ELMOD3: variants seen among roughly 807,000 people sequenced by gnomAD.
The protein encoded by ELMOD3 is ELMO domain containing 3.
ELMOD3 carries 36 observed loss-of-function variants against 47.4 expected under a neutral mutation model. The ratio of observed to expected loss-of-function variants is 0.76; its 90% confidence interval spans 0.58 to 1.00. The LOEUF is 1.00. Among genes scored for constraint, ELMOD3 ranks in the 50% least tolerant of loss-of-function variants. The pLI, the probability that ELMOD3 is intolerant of heterozygous loss-of-function variation, is 0.00. For missense variants in ELMOD3, 404 were observed against 463.8 expected (o/e 0.87, Z 1.18); for synonymous variants, 149 against 183.5 (o/e 0.81, Z 1.52).
intron 6 of ELMOD3, chr2:85,368,374 G>A (rs755007387): frequency 2.8e-6 from 1 of 352,142 alleles, no homozygotes; most frequent in Non-Finnish European, 5.4e-6. Context: ...GCTGTAGTGT[G>A]CCATGCTGAT....
At chr2:85,373,466 G>T (rs150546158) in intron 10 of ELMOD3, among the ~76,000 whole-genome samples, 1 of 151,960 alleles carries the variant, frequency 6.6e-6, no homozygotes, top group African/African-American at 2.4e-5. Flanking sequence ...GGGTTCTCAC[G>T]AAGAACCAGA....
At chr2:85,359,447 G>A (rs1193495916) in intron 4 of ELMOD3, among the ~76,000 whole-genome samples, 1 of 115,150 alleles carries the variant, frequency 8.7e-6, no homozygotes, top group Non-Finnish European at 1.7e-5. Flanking sequence ...TTGCTCTGTT[G>A]CCCAGGCTGG....
At chr2:85,362,429 C>T (rs1019917698) in intron 5 of ELMOD3, among the ~76,000 whole-genome samples, 169 bp downstream of exon 5, 2 of 148,770 alleles carry the variant, frequency 1.3e-5, no homozygotes, top group South Asian at 4.3e-4. Context: ...CACAAACATA[C>T]AAAACAACTT....
chr2:85,382,956 A>AAAAAAAAAC (rs1558715873), intron 11 of ELMOD3, among the ~76,000 whole-genome samples: 1 of 71,576 alleles, frequency 1.4e-5, no homozygotes. Flanking sequence ...AAAAAAAAAC[A>AAAAAAAAAC]AAAAAAACTC....
Position 85,356,974 on chromosome 2 carries a change from G to C in ELMOD3, c.-225G>C. ...TTTTTTTCTTTTGTGCAGAGCTGAGGCTTCGAAGACCTCAGAGGACTTCTC... is the reference window on the plus strand; with the variant it reads ...TTTTTTTCTTTTGTGCAGAGCTGAGCCTTCGAAGACCTCAGAGGACTTCTC... On this transcript the variant is annotated 5_prime_UTR_variant, in exon 4 of 14. Transcript: ENST00000409013. 2 of 404,112 alleles carry C rather than the reference G, an allele frequency of 4.9e-6. No individual in the cohort carries two copies. The highest frequency in any genetic ancestry group is 4.4e-6 in the Non-Finnish European group (1 of 227,894). The allele number at this position is 404,112 out of a possible 1,614,324, so 25.0% of individuals were successfully genotyped here. A position where few individuals can be genotyped will look rare whatever the true frequency, so the allele number is the denominator to read the frequency against.
At chr2:85,361,658 G>A (rs990427555) in intron 4 of ELMOD3, among the ~76,000 whole-genome samples, 3 of 152,128 alleles carry the variant, frequency 2.0e-5, no homozygotes, top group Non-Finnish European at 4.4e-5. Flanking sequence ...GGCCGGGCCC[G>A]GTGGCTCACG....
chr2:85,362,158 A>G (rs1455419812), intron 4 of ELMOD3, 28 bp from the exon 5 acceptor site: 16 of 1,310,554 alleles, frequency 1.2e-5, no homozygotes, highest in Non-Finnish European at 1.7e-5. Flanking sequence ...ATATGTGCCT[A>G]GGAGATTGAC....
chr2:85,390,777 A>C lies in ELMOD3; in HGVS notation c.961A>C (p.Lys321Gln). The C allele has an allele frequency of 6.4e-7, 1 of 1,551,270 alleles. No individual in the cohort carries two copies. Among genetic ancestry groups the C allele is most frequent in the Non-Finnish European group, 8.7e-7 (1 of 1,146,992 alleles). Residue 321 changes from lysine (K) to glutamine (Q), a missense_variant, in exon 14 of 14, where the codon AAG becomes CAG. Physicochemically the swap from Lys to Gln is moderately conservative, Grantham distance 53. Coordinates refer to ENST00000409013, the MANE Select transcript of ELMOD3 (RefSeq NM_001135022.2). Reference sequence around the variant, plus strand: ...TGTTGCAGAGTTGGAAGTATTGGCCAAGAAGAGCCCACGGCGGCTGCTCAA... The same window carrying C: ...TGTTGCAGAGTTGGAAGTATTGGCCCAGAAGAGCCCACGGCGGCTGCTCAA... ...FVLKELEVLA[K>Q]KSPRRLLKTL...
intron 13 of ELMOD3, chr2:85,390,556 A>G: frequency 1.3e-6 from 2 of 1,564,946 alleles, no homozygotes; most frequent in Non-Finnish European, 1.7e-6. Flanking sequence ...AATTGTGCAG[A>G]CAAGGTAGAG....
In ELMOD3 at chr2:85,369,844, AG is replaced by A. The variant is rs1196176766; in HGVS notation, c.360+17del. 2.5e-6 allele frequency: 4 copies of A among 1,613,124 alleles called. No individual in the cohort carries two copies. Among genetic ancestry groups the A allele is most frequent in the Middle Eastern group, 1.6e-4 (1 of 6,062 alleles). On this transcript the variant is annotated intron_variant, in intron 8 of 13. Coordinates refer to ENST00000409013, the MANE Select transcript of ELMOD3 (RefSeq NM_001135022.2). Reference sequence around the variant, plus strand: ...TCCCCCTTCAAGGTATGAGGGTAGCAGGGTTTGGAGTCTCAAGCAAAGTGCC... The same window carrying A: ...TCCCCCTTCAAGGTATGAGGGTAGCAGGTTTGGAGTCTCAAGCAAAGTGCC...
chr2:85,369,593 AAAG>A, intron 7 of ELMOD3, 143 bp from the exon 8 acceptor site: 2 of 824,508 alleles, frequency 2.4e-6, no homozygotes, highest in Non-Finnish European at 3.9e-6. Context: ...CAGCCTCTTG[AAAG>A]AAGATTGGTT....
Position 85,357,111 on chromosome 2 carries a change from G to A in ELMOD3, c.-88G>A. 2 of 871,664 alleles carry A rather than the reference G, an allele frequency of 2.3e-6. No individual in the cohort carries two copies. Among genetic ancestry groups the A allele is most frequent in the Middle Eastern group, 2.2e-4 (1 of 4,470 alleles). 54.0% of individuals were successfully genotyped at this position (871,664 alleles called of 1,614,324 possible). A position where few individuals can be genotyped will look rare whatever the true frequency, so the allele number is the denominator to read the frequency against. On this transcript the variant is annotated 5_prime_UTR_variant, in exon 4 of 14. Coordinates refer to ENST00000409013, the MANE Select transcript of ELMOD3 (RefSeq NM_001135022.2). Reference sequence around the variant, plus strand: ...CAAAGGTAGAGCAACTGGATCTCTGGCTCTCCACATAGCTTCTGATCTCAG... The same window carrying A: ...CAAAGGTAGAGCAACTGGATCTCTGACTCTCCACATAGCTTCTGATCTCAG...
chr2:85,361,266 A>C (rs982203793), intron 4 of ELMOD3, among the ~76,000 whole-genome samples: 1 of 152,228 alleles, frequency 6.6e-6, no homozygotes, highest in Non-Finnish European at 1.5e-5. Context: ...GCCATAGGAA[A>C]CTGCTTCACT....
chr2:85,361,631 T>C (rs191947148), intron 4 of ELMOD3, among the ~76,000 whole-genome samples: 26 of 152,146 alleles, frequency 1.7e-4, no homozygotes, highest in Middle Eastern at 3.4e-3. Flanking sequence ...CTGGGGCCTA[T>C]TGGAAAGTGG....
At chr2:85,369,155 GA>G (rs1480261717) in intron 7 of ELMOD3, among the ~76,000 whole-genome samples, 1 of 152,200 alleles carries the variant, frequency 6.6e-6, no homozygotes, top group Non-Finnish European at 1.5e-5. Context: ...CAATCTGCTG[GA>G]AGGCTCTGAA....
At chr2:85,371,735 G>GA (rs1325145121) in intron 10 of ELMOD3, 173 bp downstream of exon 10, 4 of 903,572 alleles carry the variant, frequency 4.4e-6, no homozygotes, top group Non-Finnish European at 6.5e-6. Context: ...AGTTCTGCTT[G>GA]AAAAATAGCA....
In ELMOD3 at chr2:85,371,440, G is replaced by A. The variant is rs764749612; in HGVS notation, c.485G>A (p.Cys162Tyr). The change falls in exon 10 of 14, where the codon TGT (cysteine) becomes TAT (tyrosine). Residue 162 changes from cysteine to tyrosine, a missense_variant and splice_region_variant. Cys to Tyr is a radical substitution (Grantham distance 194). Transcript: ENST00000409013. Reference protein sequence around the residue: ...ERDLVLTIAQCGLDSQDPVHG... With the variant: ...ERDLVLTIAQYGLDSQDPVHG... ...AGAGTGTGGGTGTGTTTTGGGGCAG[G>A]TGGCCTGGATAGCCAAGACCCAGTG... 6.2e-7 allele frequency: 1 copy of A among 1,614,212 alleles called. No individual in the cohort carries two copies. The highest frequency in any genetic ancestry group is 8.5e-7 in the Non-Finnish European group (1 of 1,180,032).
intron 3 of ELMOD3, 39 bp from the exon 4 acceptor site, chr2:85,356,928 C>A: frequency 3.6e-6 from 1 of 275,742 alleles, no homozygotes; most frequent in South Asian, 1.4e-4. Flanking sequence ...ATGGTGAAAC[C>A]AGTTTTCTTT....
intron 7 of ELMOD3, among the ~76,000 whole-genome samples, chr2:85,369,467 T>C (rs1684629713): frequency 6.6e-6 from 1 of 152,172 alleles, no homozygotes; most frequent in Admixed American, 6.5e-5. Flanking sequence ...CCCTCGTAGA[T>C]GAGAGCATTT....
Sources: allele counts gnomAD v4.1 joint callset (sites outside exome capture counted in the v4.1 genomes callset), GRCh38; gene constraint gnomAD v4.1.1; transcripts MANE v1.5; gene names NCBI Gene and HGNC (gene_info 2026-07-23, HGNC 2026-07-21).